SNX29: variants seen among roughly 807,000 people sequenced by gnomAD.
SNX29 encodes sorting nexin-29.
A neutral mutation model predicts 102.1 loss-of-function variants in SNX29; 78 were observed. That is an observed-to-expected ratio of 0.76 (90% confidence interval 0.64 to 0.92). The LOEUF (loss-of-function observed/expected upper bound fraction) is 0.92, where lower values mean the gene tolerates loss of function less well. Ranked by LOEUF, SNX29 falls within the 40% of genes least tolerant of loss-of-function variation. The pLI, the probability that SNX29 is intolerant of heterozygous loss-of-function variation, is 0.00. For missense variants in SNX29, 1,280 were observed against 1,061.7 expected (o/e 1.21, Z -2.86); for synonymous variants, 580 against 414.5 (o/e 1.40, Z -4.85).
chr16:12,540,221 C>T (rs956490878), intron 20 of SNX29, among the ~76,000 whole-genome samples: 1 of 152,124 alleles, frequency 6.6e-6, no homozygotes, highest in Non-Finnish European at 1.5e-5. Context: ...GGTTAACCTA[C>T]TTCCTGTGGC....
chr16:12,359,725 T>C (rs1277357714), intron 16 of SNX29, among the ~76,000 whole-genome samples: 1 of 152,240 alleles, frequency 6.6e-6, no homozygotes, highest in Non-Finnish European at 1.5e-5. Context: ...CTCACATTAT[T>C]TGGATGTATA....
chr16:12,548,064 G>A (rs57472141), intron 20 of SNX29, among the ~76,000 whole-genome samples: 9,396 of 152,144 alleles, frequency 0.062, 498 homozygotes, highest in East Asian at 0.21. Flanking sequence ...GCACACACAC[G>A]GTCAGGCATG....
At chr16:12,233,056 T>C (rs1278808683) in intron 14 of SNX29, among the ~76,000 whole-genome samples, 2 of 152,170 alleles carry the variant, frequency 1.3e-5, no homozygotes, top group Non-Finnish European at 2.9e-5. Flanking sequence ...GCAGCTTGAT[T>C]TGCTGGAAAT....
At chr16:12,408,712 C>G (rs182074532) in intron 18 of SNX29, among the ~76,000 whole-genome samples, 1 of 152,102 alleles carries the variant, frequency 6.6e-6, no homozygotes. Flanking sequence ...CCCAGCCACT[C>G]GAGAGGCTGA....
intron 11 of SNX29, among the ~76,000 whole-genome samples, chr16:12,106,746 G>A (rs1028966227): frequency 3.3e-5 from 5 of 151,458 alleles, no homozygotes; most frequent in African/African-American, 4.9e-5. Flanking sequence ...CTCTGAAAGT[G>A]CTGGGAGTAC....
intron 20 of SNX29, among the ~76,000 whole-genome samples, chr16:12,567,584 A>G (rs564270897): frequency 3.3e-5 from 5 of 152,198 alleles, no homozygotes; most frequent in African/African-American, 9.6e-5. Flanking sequence ...AGCCTGGACA[A>G]GAGCAAGACC....
chr16:12,483,097 C>T (rs1482086502), intron 19 of SNX29, among the ~76,000 whole-genome samples: 2 of 118,244 alleles, frequency 1.7e-5, no homozygotes, highest in South Asian at 3.1e-4. Context: ...ACAATAGATA[C>T]ATATTGAAGT....
At chr16:12,538,446 T>C (rs980806040) in intron 20 of SNX29, among the ~76,000 whole-genome samples, 2 of 152,188 alleles carry the variant, frequency 1.3e-5, no homozygotes, top group Non-Finnish European at 2.9e-5. Context: ...GGTTACTTGG[T>C]TTGGTTATCA....
chr16:12,312,628 TC>T (rs1435222439), intron 15 of SNX29, among the ~76,000 whole-genome samples: 7 of 151,702 alleles, frequency 4.6e-5, no homozygotes, highest in Non-Finnish European at 8.8e-5. Flanking sequence ...GTACTTCATC[TC>T]CCCCTCCTCA....
chr16:12,179,805 T>A (rs1379294295), intron 13 of SNX29, among the ~76,000 whole-genome samples: 1 of 152,242 alleles, frequency 6.6e-6, no homozygotes. Context: ...TCCAAAAATT[T>A]GTAGGTCACA....
chr16:12,567,480 C>G (rs184371919), intron 20 of SNX29, among the ~76,000 whole-genome samples: 20 of 152,316 alleles, frequency 1.3e-4, no homozygotes, highest in Admixed American at 9.1e-4. Context: ...GCAAAAGGGA[C>G]TTTACAGATG....
chr16:12,214,079 C>G (rs1406007809), intron 14 of SNX29, among the ~76,000 whole-genome samples: 1 of 152,222 alleles, frequency 6.6e-6, no homozygotes, highest in Non-Finnish European at 1.5e-5. Flanking sequence ...GCCCTCGTCT[C>G]TCTGGCGACC....
chr16:12,543,671 C>A (rs991083247), intron 20 of SNX29, among the ~76,000 whole-genome samples: 8 of 152,356 alleles, frequency 5.3e-5, no homozygotes, highest in African/African-American at 1.9e-4. Context: ...TTCCAGCCTG[C>A]ATTCAACAAG....
intron 20 of SNX29, among the ~76,000 whole-genome samples, chr16:12,549,202 G>A (rs545315923): frequency 1.1e-4 from 16 of 152,252 alleles, no homozygotes; most frequent in African/African-American, 1.4e-4. Flanking sequence ...CACCCCTCAC[G>A]ATGCTTGTGT....
intron 19 of SNX29, among the ~76,000 whole-genome samples, chr16:12,510,159 C>G (rs1028604032): frequency 6.6e-6 from 1 of 152,280 alleles, no homozygotes; most frequent in South Asian, 2.1e-4. Flanking sequence ...CCGCCCAGGA[C>G]GAGAATTCCT....
intron 13 of SNX29, among the ~76,000 whole-genome samples, chr16:12,182,788 G>A (rs763979094): frequency 6.6e-6 from 1 of 151,922 alleles, no homozygotes; most frequent in African/African-American, 2.4e-5. Context: ...AAAAAAATTA[G>A]CCAGGTGTGG....
chr16:12,261,426 C>T (rs1162558455), intron 14 of SNX29, among the ~76,000 whole-genome samples: 12 of 110,010 alleles, frequency 1.1e-4, no homozygotes, highest in Admixed American at 3.3e-4. Flanking sequence ...CTCTGAGCTC[C>T]GGTCTGTGCA....
At chr16:12,023,913 G>C (rs1241295131) in intron 3 of SNX29, among the ~76,000 whole-genome samples, 1 of 152,128 alleles carries the variant, frequency 6.6e-6, no homozygotes, top group African/African-American at 2.4e-5. Context: ...ATGTACATCA[G>C]GTTCATGATC....
At chr16:12,274,320 A>G (rs1023480190) in intron 14 of SNX29, among the ~76,000 whole-genome samples, 1 of 152,112 alleles carries the variant, frequency 6.6e-6, no homozygotes, top group Non-Finnish European at 1.5e-5. Flanking sequence ...CTTCCACTTC[A>G]GAAGTTGGTA....
Sources: gnomAD v4.1 joint callset for allele counts (sites outside exome capture counted in the v4.1 genomes callset) on GRCh38, gnomAD v4.1.1 for gene constraint, MANE v1.5 for transcripts, NCBI Gene and HGNC (gene_info 2026-07-23, HGNC 2026-07-21) for gene names.